The following DPP6 variants were observed in gnomAD, a reference collection of about 807,000 sequenced individuals.
The protein encoded by DPP6 is dipeptidyl peptidase like 6, also known as A-type potassium channel modulatory protein DPP6.
DPP6 carries 69 observed loss-of-function variants against 122.6 expected under a neutral mutation model. The observed-to-expected ratio is 0.56, with a 90% CI of 0.46 to 0.69. DPP6 has a LOEUF of 0.69. Ranked by LOEUF, DPP6 falls within the 30% of genes least tolerant of loss-of-function variation. DPP6 has a pLI of 0.00. For missense variants in DPP6, 928 were observed against 1,116.9 expected (o/e 0.83, Z 2.41); for synonymous variants, 418 against 433.1 (o/e 0.97, Z 0.43).
At chr7:154,381,518 G>A (rs965603495) in intron 1 of DPP6, among the ~76,000 whole-genome samples, 2 of 152,118 alleles carry the variant, frequency 1.3e-5, no homozygotes, top group Non-Finnish European at 2.9e-5. Context: ...CATCTATAAT[G>A]TATGACAAAA....
At chr7:154,546,692 C>T (rs1829225975) in intron 4 of DPP6, among the ~76,000 whole-genome samples, 2 of 152,138 alleles carry the variant, frequency 1.3e-5, no homozygotes, top group Non-Finnish European at 2.9e-5. Context: ...TTATCTCTGT[C>T]TCTAAAAATT....
exon 1 of DPP6, chr7:153,887,655 C>T (rs754176222): frequency 8.1e-6 from 13 of 1,613,308 alleles, no homozygotes; most frequent in Non-Finnish European, 6.8e-6. Context: ...CTTCCCTGGA[C>T]CAGAAGTCGG....
At chr7:153,991,365 C>A (rs1345949694) in intron 1 of DPP6, among the ~76,000 whole-genome samples, 2 of 152,188 alleles carry the variant, frequency 1.3e-5, no homozygotes, top group South Asian at 4.1e-4. Context: ...TTTCTACTTA[C>A]ATTTCCTGAA....
At chr7:154,631,718 TTTTTGTTTG>T (rs796928178) in intron 5 of DPP6, among the ~76,000 whole-genome samples, 2 of 151,956 alleles carry the variant, frequency 1.3e-5, no homozygotes, top group South Asian at 4.2e-4. Context: ...GGCCAGAGGT[TTTTTGTTTG>T]TTTTGTTTGT....
At chr7:154,666,967 G>C (rs1002554249) in intron 6 of DPP6, among the ~76,000 whole-genome samples, 4 of 152,106 alleles carry the variant, frequency 2.6e-5, no homozygotes, top group Non-Finnish European at 5.9e-5. Flanking sequence ...GAGAGTGCCT[G>C]TTTCCCTACA....
chr7:154,060,310 T>A (rs1171947942), intron 1 of DPP6, among the ~76,000 whole-genome samples: 1 of 134,288 alleles, frequency 7.4e-6, no homozygotes, highest in African/African-American at 2.8e-5. Context: ...CCCCTGGCTC[T>A]TAGGACCCCC....
intron 1 of DPP6, among the ~76,000 whole-genome samples, chr7:154,410,545 T>A (rs1816509198): frequency 1.3e-5 from 2 of 152,326 alleles, no homozygotes; most frequent in South Asian, 4.1e-4. Flanking sequence ...AATATTATGA[T>A]ATGCAATACT....
intron 4 of DPP6, among the ~76,000 whole-genome samples, chr7:154,549,941 A>G (rs1829506527): frequency 6.6e-6 from 1 of 152,222 alleles, no homozygotes; most frequent in Admixed American, 6.5e-5. Flanking sequence ...TCACAAAAGT[A>G]TACTTTACCT....
At chr7:154,148,538 A>C (rs541419054) in intron 1 of DPP6, among the ~76,000 whole-genome samples, 1 of 151,036 alleles carries the variant, frequency 6.6e-6, no homozygotes, top group Non-Finnish European at 1.5e-5. Flanking sequence ...TCACAAGGAG[A>C]ATTCAGGGAT....
intron 3 of DPP6, among the ~76,000 whole-genome samples, chr7:154,488,751 C>A (rs1027089561): frequency 6.6e-6 from 1 of 152,128 alleles, no homozygotes; most frequent in East Asian, 1.9e-4. Flanking sequence ...TCCAGAAACA[C>A]AGGCATGAAG....
chr7:153,778,277 T>A, the DPP6 span, among the ~76,000 whole-genome samples: 1 of 151,700 alleles, frequency 6.6e-6, no homozygotes, highest in Non-Finnish European at 1.5e-5. Flanking sequence ...GGAGGGAGCT[T>A]GGTGGTATCC....
chr7:154,845,931 A>G (rs1272529849), intron 16 of DPP6, among the ~76,000 whole-genome samples: 1 of 152,086 alleles, frequency 6.6e-6, no homozygotes, highest in East Asian at 1.9e-4. Context: ...CTCTGTGGAG[A>G]TACAGACTCA....
chr7:154,744,919 T>C (rs1242861256), intron 8 of DPP6, among the ~76,000 whole-genome samples: 1 of 152,204 alleles, frequency 6.6e-6, no homozygotes, highest in Non-Finnish European at 1.5e-5. Context: ...GGGGCTGTGT[T>C]ATTTAGGATG....
chr7:154,236,445 C>T (rs536829173), intron 1 of DPP6, among the ~76,000 whole-genome samples: 39 of 152,234 alleles, frequency 2.6e-4, no homozygotes, highest in South Asian at 4.1e-4. Context: ...TATAATTTTA[C>T]GCAACAAAAA....
chr7:154,768,706 G>A (rs1796057471), intron 8 of DPP6, among the ~76,000 whole-genome samples: 1 of 152,212 alleles, frequency 6.6e-6, no homozygotes, highest in East Asian at 1.9e-4. Flanking sequence ...CCAGGACACT[G>A]ATGGGCTAGG....
intron 1 of DPP6, among the ~76,000 whole-genome samples, chr7:154,147,717 T>TAC (rs1796185220): frequency 7.3e-6 from 1 of 137,706 alleles, no homozygotes; most frequent in Admixed American, 6.9e-5. Context: ...CCTATATATA[T>TAC]ATATTTAATA....
chr7:154,177,783 G>A (rs527409074), intron 1 of DPP6, among the ~76,000 whole-genome samples: 49 of 152,264 alleles, frequency 3.2e-4, no homozygotes, highest in African/African-American at 1.2e-3. Flanking sequence ...GGAGTAATAC[G>A]GTACTTTGAT....
intron 1 of DPP6, among the ~76,000 whole-genome samples, chr7:153,928,100 C>T (rs1271497577): frequency 1.4e-5 from 2 of 139,374 alleles, no homozygotes; most frequent in East Asian, 5.4e-4. Flanking sequence ...ATATCATACA[C>T]TGGGTAGCTT....
chr7:154,712,788 G>A (rs1239652974), intron 7 of DPP6, among the ~76,000 whole-genome samples: 4 of 152,176 alleles, frequency 2.6e-5, no homozygotes, highest in African/African-American at 9.7e-5. Flanking sequence ...AGTTCAGGAT[G>A]AGATATGGGT....
Sources: gnomAD v4.1 joint callset for allele counts (sites outside exome capture counted in the v4.1 genomes callset) on GRCh38, gnomAD v4.1.1 for gene constraint, MANE v1.5 for transcripts, NCBI Gene and HGNC (gene_info 2026-07-23, HGNC 2026-07-21) for gene names.